The following DNAJB4 variants were observed in gnomAD, a reference collection of about 807,000 sequenced individuals.
DNAJB4 encodes dnaJ homolog subfamily B member 4.
A neutral mutation model predicts 26.6 loss-of-function variants in DNAJB4; 10 were observed. The observed-to-expected ratio is 0.38, with a 90% CI of 0.23 to 0.64. The LOEUF (loss-of-function observed/expected upper bound fraction) is 0.64. Among genes scored for constraint, DNAJB4 ranks in the 30% least tolerant of loss-of-function variants. The pLI is 0.58. For missense variants in DNAJB4, 328 were observed against 408.2 expected, an observed-to-expected ratio of 0.80 and a Z score of 1.69; for synonymous variants, 136 against 134.8, an observed-to-expected ratio of 1.01 and a Z score of -0.06.
intron 2 of DNAJB4, among the ~76,000 whole-genome samples, chr1:78,014,927 A>G (rs1041102177): frequency 2.0e-5 from 3 of 152,068 alleles, no homozygotes; most frequent in Admixed American, 1.3e-4. Flanking sequence ...TATCTTGTAT[A>G]CTTGAGCTGT....
At chr1:78,013,030 C>T in intron 1 of DNAJB4, 21 bp from the exon 2 acceptor site, 1 of 1,522,692 alleles carries the variant, frequency 6.6e-7, no homozygotes, top group Non-Finnish European at 8.8e-7. Flanking sequence ...TTTTTCTAAT[C>T]ATGCTTATCT....
chr1:77,992,269 C>T (rs950135160), intron 1 of DNAJB4, among the ~76,000 whole-genome samples: 20 of 150,720 alleles, frequency 1.3e-4, no homozygotes, highest in Non-Finnish European at 2.2e-4. Flanking sequence ...AAAAATTAGC[C>T]GGGCGTAGTG....
chr1:77,986,320 C>T (rs1659789245), intron 1 of DNAJB4, among the ~76,000 whole-genome samples: 2 of 152,174 alleles, frequency 1.3e-5, no homozygotes, highest in Admixed American at 1.3e-4. Flanking sequence ...GCAATTTCCT[C>T]ACTACTTATG....
chr1:78,002,143 C>G (rs1403920295), upstream of DNAJB4, among the ~76,000 whole-genome samples: 4 of 151,974 alleles, frequency 2.6e-5, no homozygotes, highest in Non-Finnish European at 5.9e-5. Context: ...TTTAAAAAAG[C>G]TTTTATTTAT....
chr1:78,013,418 C>T lies in DNAJB4; in HGVS notation c.579C>T (p.Tyr193=), dbSNP rs780115415. 6 of 1,613,964 alleles carry T rather than the reference C, an allele frequency of 3.7e-6. No homozygotes were observed. In the African/African-American group the frequency reaches 4.0e-5, roughly 11 times the overall value. Residue 193 remains tyrosine (Y), a synonymous_variant, in exon 2 of 3, where the codon TAC becomes TAT. Transcript: ENST00000370763. ...RKRLNADGRS[Y]RSEDKILTIE... is the part of the protein sequence containing the mutation. ...GGCTAAACGCTGATGGAAGGAGTTA[C>T]AGATCTGAGGACAAAATTCTTACCA...
upstream of DNAJB4, among the ~76,000 whole-genome samples, chr1:78,000,259 C>G (rs1285816140): frequency 6.6e-6 from 1 of 152,114 alleles, no homozygotes; most frequent in African/African-American, 2.4e-5. Context: ...ATAAGAGTAG[C>G]CAGCACTTTG....
At chr1:77,979,346 C>T (rs377655604), upstream of DNAJB4, 71 of 270,942 alleles carry the variant, frequency 2.6e-4, 1 homozygote, top group East Asian at 2.1e-3. Context: ...GGCCAGTTGA[C>T]TGCGACTGTG....
chr1:78,009,136 A>C (rs1299117365), intron 1 of DNAJB4, among the ~76,000 whole-genome samples: 1 of 152,174 alleles, frequency 6.6e-6, no homozygotes, highest in Non-Finnish European at 1.5e-5. Flanking sequence ...GTGTTCTAAA[A>C]ACATGTAAGT....
upstream of DNAJB4, chr1:78,004,381 T>C (rs1660267375): frequency 6.6e-6 from 1 of 152,224 alleles, no homozygotes; most frequent in South Asian, 2.1e-4. Flanking sequence ...TGAATTTTAT[T>C]ATAGATACTC....
intron 2 of DNAJB4, among the ~76,000 whole-genome samples, chr1:78,015,382 T>G (rs1163260417): frequency 2.0e-5 from 3 of 151,934 alleles, no homozygotes; most frequent in African/African-American, 7.2e-5. Flanking sequence ...AGCTTCAAAA[T>G]AACCATGTCA....
Position 78,016,637 on chromosome 1 carries a change from A to G in DNAJB4, c.*390A>G. On this transcript the variant is annotated 3_prime_UTR_variant, in exon 3 of 3. Coordinates refer to ENST00000370763, the MANE Select transcript of DNAJB4 (RefSeq NM_007034.5). ...AATGGAAATGAAAATTCTTAACTAA[A>G]CTATACATGTAATATGTATTTCTAG... 5.8e-6 allele frequency: 1 copy of G among 172,440 alleles called. No homozygotes were observed. The highest frequency in any genetic ancestry group is 1.2e-5 in the Non-Finnish European group (1 of 81,414). The allele number at this position is 172,440 out of a possible 1,614,324, so 10.7% of individuals were successfully genotyped here. A position where few individuals can be genotyped will look rare whatever the true frequency, so the allele number is the denominator to read the frequency against.
intron 1 of DNAJB4, chr1:77,981,092 C>G (rs1428712037): frequency 6.6e-6 from 1 of 151,622 alleles, no homozygotes; most frequent in African/African-American, 2.4e-5. Context: ...AATTTACCCT[C>G]AAAACAAATT....
chr1:78,004,822 C>G (rs41311176), upstream of DNAJB4: 2 of 324,884 alleles, frequency 6.2e-6, no homozygotes, highest in African/African-American at 2.2e-5. Context: ...GGGAAAGTGA[C>G]GTCCTGTAGC....
At chr1:78,007,194 G>A (rs1660348874) in intron 1 of DNAJB4, among the ~76,000 whole-genome samples, 1 of 151,844 alleles carries the variant, frequency 6.6e-6, no homozygotes, top group African/African-American at 2.4e-5. Flanking sequence ...TGATATAAGT[G>A]ATAGAAGGAA....
intron 1 of DNAJB4, among the ~76,000 whole-genome samples, chr1:77,990,955 C>T (rs916083253): frequency 1.3e-5 from 2 of 152,192 alleles, no homozygotes; most frequent in African/African-American, 4.8e-5. Flanking sequence ...TGGTTACAAT[C>T]CAGTGGATGA....
chr1:77,990,038 T>G (rs1420350008), intron 1 of DNAJB4, among the ~76,000 whole-genome samples: 1 of 152,212 alleles, frequency 6.6e-6, no homozygotes. Context: ...CTACTGTGAT[T>G]GATTTAAATC....
At position 78,013,202 on chromosome 1, in the gene DNAJB4, T is replaced by C. The variant is rs1376693124; in HGVS notation, c.363T>C (p.Asp121=). The C allele has an allele frequency of 6.2e-7, 1 of 1,614,132 alleles. No individual in the cohort carries two copies. Among genetic ancestry groups the C allele is most frequent in the Admixed American group, 1.7e-5 (1 of 60,018 alleles). The change falls in exon 2 of 3, where the codon GAT becomes GAC. Residue 121 remains aspartate (D), a synonymous_variant. Transcript: ENST00000370763. The part of the protein sequence containing the change: ...FFGRRMGGGR[D]SEEMEIDGDP... ...GAAGACGAATGGGTGGTGGTAGAGA[T>C]TCTGAAGAAATGGAAATAGATGGTG...
intron 2 of DNAJB4, among the ~76,000 whole-genome samples, chr1:78,015,243 A>G (rs1405948608): frequency 3.3e-5 from 5 of 152,180 alleles, no homozygotes; most frequent in Admixed American, 6.5e-5. Context: ...AACATTTGTT[A>G]TCTAAAACAA....
chr1:78,003,916 T>C (rs1660252481), upstream of DNAJB4, among the ~76,000 whole-genome samples: 1 of 152,190 alleles, frequency 6.6e-6, no homozygotes, highest in Admixed American at 6.5e-5. Flanking sequence ...TAAAATGATA[T>C]TATAGGGAGA....
Sources: allele counts gnomAD v4.1 joint callset (sites outside exome capture counted in the v4.1 genomes callset), GRCh38; gene constraint gnomAD v4.1.1; transcripts MANE v1.5; gene names NCBI Gene and HGNC (gene_info 2026-07-23, HGNC 2026-07-21).